RCOR1: variants seen among roughly 807,000 people sequenced by gnomAD.
RCOR1 encodes the protein REST corepressor 1, also known as REST corepressor.
In RCOR1, 12 loss-of-function variants were observed where a neutral mutation model predicts 64.0. That is an observed-to-expected ratio of 0.19 (90% CI 0.12 to 0.30). The LOEUF (loss-of-function observed/expected upper bound fraction) is 0.30. RCOR1 is among the 10% of genes least tolerant of loss of function. The pLI is 1.00. For missense variants in RCOR1, 502 were observed against 621.2 expected, an observed-to-expected ratio of 0.81 and a Z score of 2.04; for synonymous variants, 279 against 227.2, an observed-to-expected ratio of 1.23 and a Z score of -2.05.
intron 2 of RCOR1, chr14:102,657,265 C>A: frequency 1.0e-6 from 1 of 985,300 alleles, no homozygotes; most frequent in Non-Finnish European, 1.2e-6. Context: ...GGATTTCCCA[C>A]CTGTATGTAT....
intron 2 of RCOR1, among the ~76,000 whole-genome samples, chr14:102,653,600 A>G (rs868827557): frequency 6.6e-6 from 1 of 151,962 alleles, no homozygotes; most frequent in Non-Finnish European, 1.5e-5. Flanking sequence ...TGTCATCCCC[A>G]GTGTTGGAGG....
intron 2 of RCOR1, chr14:102,643,397 T>A: frequency 1.5e-6 from 1 of 689,120 alleles, no homozygotes; most frequent in Non-Finnish European, 1.8e-6. Flanking sequence ...AATGGGATAG[T>A]ATAAACAGTA....
chr14:102,594,860 A>T (rs1893210712), intron 2 of RCOR1, among the ~76,000 whole-genome samples: 1 of 152,234 alleles, frequency 6.6e-6, no homozygotes, highest in East Asian at 1.9e-4. Context: ...CAGAACATAA[A>T]GCTTGTTACC....
rs200468608 is a variant in RCOR1, at chr14:102,728,086, T to TTTG, written c.*1599_*1601dup. 2.4e-3 allele frequency: 362 copies of TTTG among 152,638 alleles called. 3 individuals carry two copies. Among genetic ancestry groups the TTTG allele is most frequent in the Middle Eastern group, 6.8e-3 (2 of 294 alleles). The allele number at this position is 152,638 out of a possible 1,614,324, so 9.5% of individuals were successfully genotyped here. A position where few individuals can be genotyped will look rare whatever the true frequency, so the allele number is the denominator to read the frequency against. On this transcript the variant is annotated 3_prime_UTR_variant, in exon 12 of 12. Coordinates refer to ENST00000262241, the MANE Select transcript of RCOR1 (RefSeq NM_015156.4). ...GTTTTGTCTCCCAAGCACCTTGTTT[T>TTTG]TTGTTGTTGTTGTTGTTGTTGAAGT...
intron 2 of RCOR1, among the ~76,000 whole-genome samples, chr14:102,654,806 T>C (rs746581955): frequency 0.018 from 2,420 of 133,368 alleles, 31 homozygotes; most frequent in Non-Finnish European, 0.028. Flanking sequence ...TTTTTTTTTT[T>C]CCTGTTCTTT....
At chr14:102,651,337 G>T (rs540343844) in intron 2 of RCOR1, among the ~76,000 whole-genome samples, 1 of 152,142 alleles carries the variant, frequency 6.6e-6, no homozygotes, top group East Asian at 1.9e-4. Context: ...GGCGGATCAT[G>T]AGGTCAGGAG....
intron 2 of RCOR1, among the ~76,000 whole-genome samples, chr14:102,678,028 G>A (rs1301016634): frequency 4.7e-5 from 7 of 147,922 alleles, no homozygotes; most frequent in East Asian, 4.2e-4. Flanking sequence ...GCAAAACCCC[G>A]TCTCCACCAA....
chr14:102,610,404 T>C (rs1033168714), intron 2 of RCOR1, among the ~76,000 whole-genome samples: 2 of 152,114 alleles, frequency 1.3e-5, no homozygotes, highest in African/African-American at 2.4e-5. Flanking sequence ...TCTGTTACAC[T>C]AGGCACATTT....
At position 102,662,353 on chromosome 14, in the gene RCOR1, A is replaced by C. The variant is rs528287530; in HGVS notation, c.362-19542A>C. On this transcript the variant is annotated intron_variant, in intron 2 of 11. Coordinates refer to ENST00000262241, the MANE Select transcript of RCOR1 (RefSeq NM_015156.4). ...ATCAGGGTGTTGACCGGGCCACATC[A>C]ATGTCATAGAGCTTCTTCACAGCCT... 6.9e-4 allele frequency: 389 copies of C among 567,002 alleles called. 2 individuals are homozygous for C. The highest frequency in any genetic ancestry group is 1.2e-3 in the Non-Finnish European group (346 of 293,186). 35.1% of individuals were successfully genotyped at this position (567,002 alleles called of 1,614,324 possible).
At chr14:102,682,615 T>G (rs970202154) in intron 3 of RCOR1, among the ~76,000 whole-genome samples, 1 of 152,228 alleles carries the variant, frequency 6.6e-6, no homozygotes, top group African/African-American at 2.4e-5. Flanking sequence ...AGGTGCCTTT[T>G]CAGATGGTTT....
chr14:102,656,861 C>A (rs537527314), intron 2 of RCOR1, among the ~76,000 whole-genome samples: 24 of 151,926 alleles, frequency 1.6e-4, no homozygotes, highest in Admixed American at 8.5e-4. Context: ...CTGCAACCTC[C>A]GCCTTCCAGG....
intron 7 of RCOR1, 41 bp from the exon 8 acceptor site, chr14:102,714,382 C>T (rs1337951173): frequency 1.5e-5 from 21 of 1,388,296 alleles, no homozygotes; most frequent in Non-Finnish European, 2.1e-5. Context: ...GATCATTTGA[C>T]TTTTTTTAAG....
At chr14:102,661,883 A>G (rs925956774) in intron 2 of RCOR1, among the ~76,000 whole-genome samples, 2 of 152,164 alleles carry the variant, frequency 1.3e-5, no homozygotes, top group Non-Finnish European at 2.9e-5. Context: ...CAGCAACCCA[A>G]GTAGCTGGAA....
chr14:102,629,447 C>T (rs57221486), intron 2 of RCOR1, among the ~76,000 whole-genome samples: 1 of 102,860 alleles, frequency 9.7e-6, no homozygotes, highest in Non-Finnish European at 2.2e-5. Context: ...CAGCCTCCCC[C>T]CCCCCCACCA....
intron 2 of RCOR1, among the ~76,000 whole-genome samples, chr14:102,639,495 ATTTTTATTTATT>A (rs1215841215): frequency 3.0e-5 from 4 of 134,580 alleles, no homozygotes; most frequent in Non-Finnish European, 6.3e-5. Flanking sequence ...TTATTTTTTA[ATTTTTATTTATT>A]TATTTATTTA....
At chr14:102,705,963 C>A (rs1240041536) in intron 4 of RCOR1, among the ~76,000 whole-genome samples, 1 of 149,712 alleles carries the variant, frequency 6.7e-6, no homozygotes, top group African/African-American at 2.5e-5. Flanking sequence ...AAAAAAAAAA[C>A]TAGCTGCGCA....
intron 2 of RCOR1, among the ~76,000 whole-genome samples, chr14:102,642,085 G>A (rs1459056492): frequency 6.6e-6 from 1 of 152,094 alleles, no homozygotes; most frequent in Admixed American, 6.6e-5. Context: ...GGGATTGATG[G>A]AATTGTGACT....
intron 2 of RCOR1, among the ~76,000 whole-genome samples, chr14:102,663,585 G>C (rs1023270379): frequency 2.0e-5 from 3 of 152,148 alleles, no homozygotes; most frequent in Admixed American, 2.0e-4. Context: ...ATAAGATTGT[G>C]GTGCCTCACC....
At chr14:102,687,188 G>A (rs1054151877) in intron 3 of RCOR1, among the ~76,000 whole-genome samples, 1 of 152,310 alleles carries the variant, frequency 6.6e-6, no homozygotes, top group Admixed American at 6.5e-5. Context: ...CTGTAATGGA[G>A]AGACAGAAAA....
Sources: allele counts gnomAD v4.1 joint callset (sites outside exome capture counted in the v4.1 genomes callset), GRCh38; gene constraint gnomAD v4.1.1; transcripts MANE v1.5; gene names NCBI Gene and HGNC (gene_info 2026-07-23, HGNC 2026-07-21).